LARGE1: variants seen among roughly 807,000 people sequenced by gnomAD.
LARGE1 encodes LARGE xylosyl- and glucuronyltransferase 1.
LARGE1 carries 43 observed loss-of-function variants against 87.6 expected under a neutral mutation model. The observed-to-expected ratio is 0.49, with a 90% confidence interval of 0.38 to 0.63. LARGE1 has a LOEUF of 0.63. Among genes scored for constraint, LARGE1 ranks in the 30% least tolerant of loss-of-function variants. LARGE1 has a pLI of 0.00. For missense variants in LARGE1, 802 were observed against 1,000.2 expected (o/e 0.80, Z 2.67); for synonymous variants, 434 against 394.6 (o/e 1.10, Z -1.18).
chr22:33,693,471 C>T (rs531960047), intron 2 of LARGE1, among the ~76,000 whole-genome samples: 2 of 152,204 alleles, frequency 1.3e-5, no homozygotes, highest in African/African-American at 4.8e-5. Flanking sequence ...AAAGAGCTCT[C>T]ATTGTGTTAT....
At chr22:33,868,441 G>T (rs746232583) in intron 1 of LARGE1, among the ~76,000 whole-genome samples, 5 of 152,134 alleles carry the variant, frequency 3.3e-5, no homozygotes, top group Non-Finnish European at 7.4e-5. Context: ...AAGGATTCCT[G>T]CTAGGAGTTC....
At chr22:33,280,008 A>G (rs562488919) in intron 13 of LARGE1, among the ~76,000 whole-genome samples, 1 of 152,330 alleles carries the variant, frequency 6.6e-6, no homozygotes, top group South Asian at 2.1e-4. Context: ...AAGAATACCT[A>G]TCTGGTTGAA....
intron 6 of LARGE1, among the ~76,000 whole-genome samples, chr22:33,449,845 A>C (rs7284217): frequency 0.28 from 43,017 of 152,006 alleles, 6,936 homozygotes; most frequent in African/African-American, 0.44. Flanking sequence ...CCCATCAAGA[A>C]GACTGCGTCC....
At chr22:33,165,471 G>A (rs1465540955) in exon 12 of LARGE1, 2 of 152,118 alleles carry the variant, frequency 1.3e-5, no homozygotes, top group Non-Finnish European at 1.5e-5. Flanking sequence ...GAACCTCACG[G>A]GAAGCCACTC....
chr22:33,364,681 A>G (rs537350736), intron 9 of LARGE1, among the ~76,000 whole-genome samples: 15 of 152,318 alleles, frequency 9.8e-5, no homozygotes, highest in African/African-American at 3.6e-4. Context: ...GTCACTAAGC[A>G]TAATGTCCTC....
chr22:33,553,518 A>C (rs1456351219), intron 6 of LARGE1, among the ~76,000 whole-genome samples: 1 of 152,098 alleles, frequency 6.6e-6, no homozygotes, highest in Non-Finnish European at 1.5e-5. Flanking sequence ...CCTGTCACAA[A>C]AACAAAACAA....
At chr22:33,318,320 C>A (rs950893108) in intron 10 of LARGE1, among the ~76,000 whole-genome samples, 3 of 151,596 alleles carry the variant, frequency 2.0e-5, no homozygotes, top group African/African-American at 7.3e-5. Flanking sequence ...ATAATTTGTT[C>A]TCATTGTTCA....
intron 11 of LARGE1, among the ~76,000 whole-genome samples, chr22:33,209,991 G>A (rs1250453720): frequency 6.6e-6 from 1 of 152,140 alleles, no homozygotes; most frequent in Non-Finnish European, 1.5e-5. Context: ...AAAACTACTG[G>A]GGGATTTTTC....
chr22:33,872,034 C>G (rs1344798161), intron 1 of LARGE1, among the ~76,000 whole-genome samples: 1 of 142,716 alleles, frequency 7.0e-6, no homozygotes, highest in African/African-American at 2.6e-5. Context: ...GAATGAGGAA[C>G]TAGGGTGGCA....
chr22:33,860,536 C>G (rs1361792984), intron 1 of LARGE1, among the ~76,000 whole-genome samples: 1 of 152,158 alleles, frequency 6.6e-6, no homozygotes, highest in Non-Finnish European at 1.5e-5. Context: ...GTCCTGGCTC[C>G]ACACTGGATT....
the LARGE1 span, among the ~76,000 whole-genome samples, chr22:33,076,806 A>G: frequency 6.6e-6 from 1 of 152,216 alleles, no homozygotes; most frequent in Non-Finnish European, 1.5e-5. Context: ...TTTCTTCTTT[A>G]GCGTTGTATC....
the LARGE1 span, among the ~76,000 whole-genome samples, chr22:33,118,171 T>C: frequency 6.6e-6 from 1 of 151,988 alleles, no homozygotes; most frequent in Non-Finnish European, 1.5e-5. Context: ...GAGGAGGCAG[T>C]TGGACAAAGC....
In LARGE1 at chr22:33,679,570, C is replaced by A. The variant is rs537682604; in HGVS notation, c.107-28902G>T. Among the ~76,000 whole-genome samples, 471 of 152,120 alleles carry A rather than the reference C, an allele frequency of 3.1e-3. 2 individuals carry two copies. Among genetic ancestry groups the A allele is most frequent in the Non-Finnish European group, 5.3e-3 (359 of 67,988 alleles). On this transcript the variant is annotated intron_variant, in intron 2 of 14. Transcript: ENST00000397394. The stretch of plus-strand genomic sequence containing the variant: ...CAGAAGTTAGGAGAAAGGCCAGGTA[C>A]GGTGGTTCACACCTGTAATCCCAAA...
At position 33,298,878 on chromosome 22, in the gene LARGE1, G is replaced by T. The variant is rs8136276; in HGVS notation, c.1730+5351C>A. ...AGAAGAAAGAAAAGAAAAAAGAAAAGAAAAAGGAAAGATGGAAAGAAAGAA... is the reference window on the plus strand; with the variant it reads ...AGAAGAAAGAAAAGAAAAAAGAAAATAAAAAGGAAAGATGGAAAGAAAGAA... On this transcript the variant is annotated intron_variant, in intron 12 of 14. Transcript: ENST00000397394. 8.7e-3 allele frequency among the ~76,000 whole-genome samples: 1,316 copies of T among 150,784 alleles called. 21 individuals are homozygous for T. Among genetic ancestry groups the T allele is most frequent in the African/African-American group, 0.031 (1,266 of 40,730 alleles).
chr22:33,766,041 GAAAAATCTC>G (rs1414164077), intron 1 of LARGE1, among the ~76,000 whole-genome samples: 1 of 152,116 alleles, frequency 6.6e-6, no homozygotes, highest in Non-Finnish European at 1.5e-5. Context: ...ACATTTTTAA[GAAAAATCTC>G]AATCTATATC....
chr22:33,141,294 GA>G, the LARGE1 span, among the ~76,000 whole-genome samples: 1 of 151,548 alleles, frequency 6.6e-6, no homozygotes, highest in Admixed American at 6.6e-5. Context: ...TGGCCTTAAA[GA>G]TGCATATGAA....
chr22:33,796,377 G>T (rs1045606878), intron 1 of LARGE1, among the ~76,000 whole-genome samples: 1 of 152,134 alleles, frequency 6.6e-6, no homozygotes, highest in African/African-American at 2.4e-5. Flanking sequence ...TGGAGAGAAG[G>T]CTGCACCACT....
At chr22:33,359,560 C>CT (rs539990533) in intron 9 of LARGE1, among the ~76,000 whole-genome samples, 3,373 of 119,192 alleles carry the variant, frequency 0.028, 111 homozygotes, top group Non-Finnish European at 0.04. Flanking sequence ...GCAGACTCAT[C>CT]TTTTTTTTTT....
chr22:33,101,222 C>T, the LARGE1 span, among the ~76,000 whole-genome samples: 1 of 152,100 alleles, frequency 6.6e-6, no homozygotes, highest in African/African-American at 2.4e-5. Context: ...ATTATCCTCA[C>T]CGTTCCTTAC....
Sources: allele counts gnomAD v4.1 joint callset (sites outside exome capture counted in the v4.1 genomes callset), GRCh38; gene constraint gnomAD v4.1.1; transcripts MANE v1.5; gene names NCBI Gene and HGNC (gene_info 2026-07-23, HGNC 2026-07-21).